Variants in DSCAML1 observed in about 807,000 individuals in gnomAD.
DSCAML1 encodes cell adhesion molecule DSCAML1.
In DSCAML1, 38 loss-of-function variants were observed where a neutral mutation model predicts 200.5. That is an observed-to-expected ratio of 0.19 (90% CI 0.15 to 0.25). The LOEUF is 0.25. Among genes scored for constraint, DSCAML1 ranks in the 10% least tolerant of loss-of-function variants. The probability of loss-of-function intolerance (pLI) is 1.00; values close to 1 mark genes in which losing one functional copy is unlikely to be tolerated. For missense variants in DSCAML1, 2,223 were observed against 2,858.8 expected, an observed-to-expected ratio of 0.78 and a Z score of 5.07; for synonymous variants, 1,215 against 1,165.0, an observed-to-expected ratio of 1.04 and a Z score of -0.87.
intron 1 of DSCAML1, among the ~76,000 whole-genome samples, chr11:117,816,389 ATTTGCC>A (rs1033230893): frequency 2.6e-5 from 4 of 152,184 alleles, no homozygotes; most frequent in African/African-American, 9.6e-5. Context: ...CTGCCGTGGC[ATTTGCC>A]TCTGATCTCC....
chr11:117,628,742 G>A (rs1331924305), intron 3 of DSCAML1, among the ~76,000 whole-genome samples: 3 of 152,186 alleles, frequency 2.0e-5, no homozygotes, highest in East Asian at 3.9e-4. Flanking sequence ...GAAGTTATAC[G>A]TGGACTTATA....
intron 3 of DSCAML1, among the ~76,000 whole-genome samples, chr11:117,628,507 C>A (rs952327150): frequency 3.3e-5 from 5 of 152,220 alleles, no homozygotes; most frequent in Admixed American, 2.6e-4. Context: ...AAGTGACTTC[C>A]AGCCCAGTCA....
chr11:117,766,330 A>C (rs920610783), intron 3 of DSCAML1, among the ~76,000 whole-genome samples: 1 of 152,218 alleles, frequency 6.6e-6, no homozygotes, highest in Non-Finnish European at 1.5e-5. Flanking sequence ...TAAATGCCAG[A>C]ATTCGGCAAG....
intron 3 of DSCAML1, among the ~76,000 whole-genome samples, chr11:117,729,009 A>G (rs2054177535): frequency 6.6e-6 from 1 of 152,236 alleles, no homozygotes; most frequent in Admixed American, 6.5e-5. Context: ...TACATTTCCC[A>G]ATTTTAAAAC....
intron 3 of DSCAML1, among the ~76,000 whole-genome samples, chr11:117,628,205 T>A (rs117041834): frequency 0.016 from 2,386 of 152,248 alleles, 31 homozygotes; most frequent in East Asian, 0.059. Context: ...GTTGCCCCCA[T>A]CCAAGAGTTT....
intron 3 of DSCAML1, among the ~76,000 whole-genome samples, chr11:117,750,035 C>G (rs1043933592): frequency 6.6e-6 from 1 of 152,170 alleles, no homozygotes; most frequent in African/African-American, 2.4e-5. Context: ...GAAGGGTACC[C>G]TAGAAATTGG....
At chr11:117,448,718 T>G (rs1187835805) in intron 20 of DSCAML1, among the ~76,000 whole-genome samples, 1 of 151,948 alleles carries the variant, frequency 6.6e-6, no homozygotes, top group Non-Finnish European at 1.5e-5. Flanking sequence ...ACACACCAAG[T>G]GTCTGTGCTG....
rs542151084 is a variant in DSCAML1 at position 117,455,081 on chromosome 11, G to T, written c.3568+3673C>A. Among the ~76,000 whole-genome samples the T allele has an allele frequency of 2.0e-5, 3 of 152,088 alleles. No individual in the cohort carries two copies. In the East Asian group the frequency reaches 5.8e-4, roughly 29 times the overall value. On this transcript the variant is annotated intron_variant, in intron 19 of 32. Coordinates refer to ENST00000651296, the MANE Select transcript of DSCAML1 (RefSeq NM_020693.4). The stretch of plus-strand genomic sequence containing the variant: ...GGGCCTCTATTTTCCCCTGGATCCC[G>T]GCCTAATGATTCTTCACTCTCCTGC...
chr11:117,446,339 G>A (rs796891475), intron 20 of DSCAML1, among the ~76,000 whole-genome samples: 16 of 152,262 alleles, frequency 1.1e-4, no homozygotes, highest in African/African-American at 3.9e-4. Flanking sequence ...ACTCCAGCCT[G>A]GGCAATAAGA....
intron 3 of DSCAML1, among the ~76,000 whole-genome samples, chr11:117,773,557 ACACACAG>A (rs968786721): frequency 5.3e-5 from 8 of 151,604 alleles, no homozygotes; most frequent in East Asian, 3.9e-4. Flanking sequence ...ACACACACAC[ACACACAG>A]CACAGCACAC....
rs199533906 is a variant in DSCAML1, at chr11:117,532,484, T to G, written c.550A>C (p.Ile184Leu). ...FFITYHGGLY[I>L]SDVQKEDALS... ...GCGTCCTCCTTCTGTACGTCAGAGA[T>G]GTACAGCCCGCCGTGGTAGGTAATA... is the stretch of plus-strand genomic sequence containing the variant. The change falls in exon 4 of 33, where the codon ATC becomes CTC. Residue 184 changes from isoleucine (I) to leucine (L), a missense_variant. This residue lies in a region of DSCAML1 where 579 missense variants were observed against 721.5 expected (regional missense o/e 0.80). Coordinates refer to ENST00000651296, the MANE Select transcript of DSCAML1 (RefSeq NM_020693.4). 2 of 1,614,106 alleles carry G rather than the reference T, an allele frequency of 1.2e-6. No homozygotes were observed. Among genetic ancestry groups the G allele is most frequent in the African/African-American group, 1.3e-5 (1 of 75,048 alleles).
rs11216538 is a variant in DSCAML1, at chr11:117,760,532, C to T, written c.511+16259G>A. On this transcript the variant is annotated intron_variant, in intron 3 of 32. Coordinates refer to ENST00000651296, the MANE Select transcript of DSCAML1 (RefSeq NM_020693.4). Reference sequence around the variant, plus strand: ...TTTCTCTTCAATCGACACGTCCACACTGATTTGTAAAGCTCTGGTTCACGC... The same window carrying T: ...TTTCTCTTCAATCGACACGTCCACATTGATTTGTAAAGCTCTGGTTCACGC... Among the ~76,000 whole-genome samples the T allele has an allele frequency of 5.9e-3, 901 of 152,316 alleles. 6 individuals are homozygous for T. Among genetic ancestry groups the T allele is most frequent in the African/African-American group, 0.017 (689 of 41,566 alleles).
intron 5 of DSCAML1, among the ~76,000 whole-genome samples, chr11:117,523,635 C>T (rs183925858): frequency 4.9e-4 from 75 of 152,348 alleles, no homozygotes; most frequent in African/African-American, 1.8e-3. Context: ...GAAGGAGACT[C>T]AGCCCTTATC....
rs1323859144 is a variant in DSCAML1, at chr11:117,609,594, A to C, written c.512-77072T>G. ...AGTGCTGAGATTATAGGCATGAGCC[A>C]CCATGCCCAACCATGCTGATTTTTT... is the stretch of plus-strand genomic sequence containing the variant. On this transcript the variant is annotated intron_variant, in intron 3 of 32. Coordinates refer to ENST00000651296, the MANE Select transcript of DSCAML1 (RefSeq NM_020693.4). 2.0e-5 allele frequency among the ~76,000 whole-genome samples: 3 copies of C among 152,190 alleles called. No homozygotes were observed. In the East Asian group the frequency reaches 5.8e-4, roughly 29 times the overall value.
chr11:117,547,197 C>G (rs1565780613), intron 3 of DSCAML1, among the ~76,000 whole-genome samples: 3 of 152,206 alleles, frequency 2.0e-5, no homozygotes, highest in African/African-American at 7.2e-5. Context: ...GGGGCGACAG[C>G]CTCCAACCCT....
intron 3 of DSCAML1, among the ~76,000 whole-genome samples, chr11:117,723,743 T>A (rs2054077012): frequency 6.6e-6 from 1 of 152,178 alleles, no homozygotes; most frequent in Non-Finnish European, 1.5e-5. Context: ...TAGAGCCCTC[T>A]CTCCAGTTCT....
intron 3 of DSCAML1, among the ~76,000 whole-genome samples, chr11:117,667,925 AGAT>A (rs2053013468): frequency 6.6e-6 from 1 of 152,240 alleles, no homozygotes; most frequent in African/African-American, 2.4e-5. Flanking sequence ...ATCTAGTGCC[AGAT>A]GATCTACTAC....
Position 117,437,789 on chromosome 11 carries a change from A to T in DSCAML1, c.4432+106T>A. On this transcript the variant is annotated intron_variant, in intron 25 of 32. Coordinates refer to ENST00000651296, the MANE Select transcript of DSCAML1 (RefSeq NM_020693.4). The surrounding 1 kb of genome is among the most constrained non-coding windows in gnomAD (Gnocchi z 5.3). ...CCCTTCAGTCTCCCTGCATCCCTGGACCCCTCCTTCCCCACCCCAGCCACC... is the reference window on the plus strand; with the variant it reads ...CCCTTCAGTCTCCCTGCATCCCTGGTCCCCTCCTTCCCCACCCCAGCCACC... The T allele has an allele frequency of 1.7e-6, 2 of 1,197,564 alleles. No individual in the cohort carries two copies. Among genetic ancestry groups the T allele is most frequent in the East Asian group, 5.2e-5 (2 of 38,728 alleles). The allele number at this position is 1,197,564 out of a possible 1,614,324, so 74.2% of individuals were successfully genotyped here. A position where few individuals can be genotyped will look rare whatever the true frequency, so the allele number is the denominator to read the frequency against.
chr11:117,569,525 C>G (rs1405458040), intron 3 of DSCAML1, among the ~76,000 whole-genome samples: 2 of 152,204 alleles, frequency 1.3e-5, no homozygotes, highest in African/African-American at 4.8e-5. Context: ...ACCTTGGCCT[C>G]CCAAAGTGCT....
Sources: allele counts gnomAD v4.1 joint callset (sites outside exome capture counted in the v4.1 genomes callset), GRCh38; gene constraint gnomAD v4.1.1; regional missense constraint gnomAD v4.1.1; non-coding constraint Gnocchi (gnomAD v3.1); transcripts MANE v1.5; gene names NCBI Gene and HGNC (gene_info 2026-07-23, HGNC 2026-07-21).